The following DOCK8 variants were observed in gnomAD, a reference collection of about 807,000 sequenced individuals.
The protein encoded by DOCK8 is dedicator of cytokinesis protein 8.
DOCK8 carries 141 observed loss-of-function variants against 245.6 expected under a neutral mutation model. The observed-to-expected ratio is 0.57, with a 90% CI of 0.50 to 0.66. DOCK8 has a LOEUF of 0.66. Ranked by LOEUF, DOCK8 falls within the 30% of genes least tolerant of loss-of-function variation. The pLI, the probability that DOCK8 is intolerant of heterozygous loss-of-function variation, is 0.00. For synonymous variants in DOCK8, 1,168 were observed against 970.2 expected, an observed-to-expected ratio of 1.20 and a Z score of -3.79; for missense variants, 2,965 against 2,603.4, an observed-to-expected ratio of 1.14 and a Z score of -3.02.
chr9:284,818 A>T lies in DOCK8; in HGVS notation c.157-1643A>T, dbSNP rs374023270. Among the ~76,000 whole-genome samples, 33 of 152,342 alleles carry T rather than the reference A, an allele frequency of 2.2e-4. 1 individual carries two copies. In the South Asian group the frequency reaches 6.4e-3, roughly 30 times the overall value. On this transcript the variant is annotated intron_variant, in intron 2 of 47. Transcript: ENST00000432829. The stretch of plus-strand genomic sequence containing the variant: ...AACATGGATGGAACTGGAGGCTATT[A>T]TCCTTTGCAAACTAACGCAGAAATA...
At chr9:363,220 A>AT (rs765587986) in intron 14 of DOCK8, among the ~76,000 whole-genome samples, 20 of 152,210 alleles carry the variant, frequency 1.3e-4, no homozygotes, top group Non-Finnish European at 2.4e-4. Flanking sequence ...TTGGGGAAAG[A>AT]TAAGATTATA....
chr9:284,921 A>G (rs919774234), intron 2 of DOCK8, among the ~76,000 whole-genome samples: 5 of 152,152 alleles, frequency 3.3e-5, no homozygotes, highest in Admixed American at 1.3e-4. Context: ...GAAAAGAACA[A>G]CAGACACTGT....
rs139875251 is a variant in DOCK8 at position 425,290 on chromosome 9, T to C, written c.4242-1595T>C. Among the ~76,000 whole-genome samples the C allele has an allele frequency of 9.7e-3, 1,478 of 152,216 alleles. 18 individuals carry two copies. Among genetic ancestry groups the C allele is most frequent in the African/African-American group, 0.033 (1,379 of 41,540 alleles). The stretch of plus-strand genomic sequence containing the variant: ...GCTCACACCTGTAATCCCAGCACTT[T>C]GGGAGGCCGAGGTAAGTGGATCACG... On this transcript the variant is annotated intron_variant, in intron 33 of 47. Coordinates refer to ENST00000432829, the MANE Select transcript of DOCK8 (RefSeq NM_203447.4).
chr9:317,010 CTAA>C, intron 6 of DOCK8, 30 bp from the exon 7 acceptor site: 3 of 1,545,722 alleles, frequency 1.9e-6, no homozygotes, highest in Non-Finnish European at 2.7e-6. Flanking sequence ...ACAGAATTCA[CTAA>C]TGATTTCCTT....
chr9:295,565 A>G (rs1484451447), intron 4 of DOCK8, among the ~76,000 whole-genome samples: 1 of 152,192 alleles, frequency 6.6e-6, no homozygotes, highest in African/African-American at 2.4e-5. Flanking sequence ...TATTGAACGC[A>G]CCATGGAGGG....
rs111992980 is a variant in DOCK8, at chr9:322,999, C to A, written c.828-2672C>A. 6.3e-3 allele frequency among the ~76,000 whole-genome samples: 941 copies of A among 150,344 alleles called. 11 individuals carry two copies. The highest frequency in any genetic ancestry group is 0.022 in the African/African-American group (903 of 40,888). On this transcript the variant is annotated intron_variant, in intron 7 of 47. Transcript: ENST00000432829. ...TCACAGCTGCTAGGGAGGCTGAGGC[C>A]GAAGAATCGCTTGAACCTGGGTGGC...
At chr9:421,936 T>C in intron 32 of DOCK8, 112 bp from the exon 33 acceptor site, 1 of 959,320 alleles carries the variant, frequency 1.0e-6, no homozygotes, top group African/African-American at 1.6e-5. Flanking sequence ...TGGACTCTAA[T>C]TAGCCCGAGA....
chr9:426,911 C>T lies in DOCK8; in HGVS notation c.4268C>T (p.Ala1423Val). 1 of 1,614,066 alleles carries T rather than the reference C, an allele frequency of 6.2e-7. No individual in the cohort carries two copies. Among genetic ancestry groups the T allele is most frequent in the Non-Finnish European group, 8.5e-7 (1 of 1,179,994 alleles). The part of the protein sequence containing the change: ...DKTKAELDQE[A>V]LISGNLATEA... ...ACAAAGGCCGAGTTAGATCAAGAAGCCTTGATCAGTGGCAATCTGGCTACA... is the reference window on the plus strand; with the variant it reads ...ACAAAGGCCGAGTTAGATCAAGAAGTCTTGATCAGTGGCAATCTGGCTACA... The change falls in exon 34 of 48, where the codon GCC (alanine) becomes GTC (valine). Residue 1423 changes from alanine (A) to valine (V), a missense_variant. Physicochemically the swap from Ala to Val is moderately conservative, Grantham distance 64 (BLOSUM62 0). Transcript: ENST00000432829.
At chr9:338,211 C>T (rs1053162002) in intron 12 of DOCK8, among the ~76,000 whole-genome samples, 2 of 151,932 alleles carry the variant, frequency 1.3e-5, no homozygotes, top group Non-Finnish European at 2.9e-5. Flanking sequence ...TATTTTGCCA[C>T]ACTTAAAATA....
chr9:413,435 G>C (rs1017217602), intron 28 of DOCK8, among the ~76,000 whole-genome samples: 1 of 151,976 alleles, frequency 6.6e-6, no homozygotes, highest in Admixed American at 6.6e-5. Context: ...AAACTTTTGT[G>C]ATTTATAGGA....
chr9:297,031 C>T (rs965262916), intron 4 of DOCK8, among the ~76,000 whole-genome samples: 1 of 152,128 alleles, frequency 6.6e-6, no homozygotes, highest in Non-Finnish European at 1.5e-5. Context: ...CGGCTACTCC[C>T]TACCCCAAGG....
chr9:340,450 G>C, intron 14 of DOCK8, 129 bp downstream of exon 14: 2 of 1,211,208 alleles, frequency 1.7e-6, no homozygotes, highest in Non-Finnish European at 2.3e-6. Context: ...GCAAAACCGT[G>C]TCTCTACAAC....
intron 14 of DOCK8, among the ~76,000 whole-genome samples, chr9:353,774 A>C (rs1037306177): frequency 5.3e-5 from 8 of 152,150 alleles, no homozygotes; most frequent in African/African-American, 1.9e-4. Context: ...GTATTATTGA[A>C]ATGTTTATTT....
chr9:457,665 C>T (rs77462265), intron 46 of DOCK8, among the ~76,000 whole-genome samples: 1,636 of 152,302 alleles, frequency 0.011, 31 homozygotes, highest in African/African-American at 0.037. Context: ...CACTTCACCT[C>T]TTTGCATGTT....
intron 46 of DOCK8, 79 bp from the exon 47 acceptor site, chr9:463,438 C>T (rs2057867960): frequency 9.6e-6 from 15 of 1,559,742 alleles, no homozygotes; most frequent in South Asian, 2.3e-5. Flanking sequence ...TTCGAAAAAT[C>T]GTAAGTAATT....
In DOCK8 at chr9:362,531, A is replaced by G. The variant is rs549527264; in HGVS notation, c.1680-5487A>G. On this transcript the variant is annotated intron_variant, in intron 14 of 47. Transcript: ENST00000432829. ...TAGGTCATCCCTGCAACCAGTTGAC[A>G]CTGGAGCTCAGCAGCCAGCTGATAG... is the stretch of plus-strand genomic sequence containing the variant. Among the ~76,000 whole-genome samples the G allele has an allele frequency of 2.0e-5, 3 of 152,302 alleles. No individual in the cohort carries two copies. In the East Asian group the frequency reaches 5.8e-4, roughly 29 times the overall value.
chr9:400,247 CCACCATCA>C (rs2054800446), intron 26 of DOCK8, among the ~76,000 whole-genome samples: 1 of 66,210 alleles, frequency 1.5e-5, no homozygotes, highest in Non-Finnish European at 3.0e-5. Flanking sequence ...ACCACCACCT[CCACCATCA>C]CCACCACCTC....
At chr9:369,350 TGGGC>T (rs1236456502) in intron 15 of DOCK8, 3 of 152,288 alleles carry the variant, frequency 2.0e-5, no homozygotes, top group African/African-American at 7.2e-5. Flanking sequence ...AGAGTGACTG[TGGGC>T]TAAAGTCCAG....
intron 1 of DOCK8, among the ~76,000 whole-genome samples, chr9:254,722 A>C (rs1352988144): frequency 6.6e-6 from 1 of 152,200 alleles, no homozygotes; most frequent in Admixed American, 6.5e-5. Flanking sequence ...AGTGAGCACC[A>C]AGTATGCATC....
Sources: allele counts gnomAD v4.1 joint callset (sites outside exome capture counted in the v4.1 genomes callset), GRCh38; gene constraint gnomAD v4.1.1; transcripts MANE v1.5; gene names NCBI Gene and HGNC (gene_info 2026-07-23, HGNC 2026-07-21).